Variants in PTPN4 observed in about 807,000 individuals in gnomAD.
PTPN4 encodes tyrosine-protein phosphatase non-receptor type 4.
In PTPN4, 49 loss-of-function variants were observed where a neutral mutation model predicts 135.5. The observed-to-expected ratio is 0.36, with a 90% CI of 0.29 to 0.46. PTPN4 has a LOEUF of 0.46. Ranked by LOEUF, PTPN4 falls within the 20% of genes least tolerant of loss-of-function variation. The pLI is 1.00. For missense variants in PTPN4, 860 were observed against 1,101.0 expected, an observed-to-expected ratio of 0.78 and a Z score of 3.10; for synonymous variants, 333 against 369.9, an observed-to-expected ratio of 0.90 and a Z score of 1.14.
chr2:119,886,421 C>T (rs909767301), intron 9 of PTPN4, among the ~76,000 whole-genome samples: 6 of 152,242 alleles, frequency 3.9e-5, no homozygotes, highest in Admixed American at 3.9e-4. Context: ...TCCCTTGTGT[C>T]AAACATTGCT....
chr2:119,798,408 C>T (rs1179762806), intron 1 of PTPN4, among the ~76,000 whole-genome samples: 1 of 152,168 alleles, frequency 6.6e-6, no homozygotes, highest in Non-Finnish European at 1.5e-5. Flanking sequence ...CTCAGGTGAT[C>T]CTCCCACCTT....
rs989030655 is a variant in PTPN4, at chr2:119,980,277, A to C, written c.*3207A>C. On this transcript the variant is annotated 3_prime_UTR_variant, in exon 27 of 27. Transcript: ENST00000263708. ...CTTTTGTGTGTTTATTTATATGTAT[A>C]TTTCACAAAGGCTAATGCCCACAGA... 1 of 152,138 alleles carries C rather than the reference A, an allele frequency of 6.6e-6. No individual in the cohort carries two copies. Among genetic ancestry groups the C allele is most frequent in the Non-Finnish European group, 1.5e-5 (1 of 67,962 alleles). The allele number at this position is 152,138 out of a possible 1,614,324, so 9.4% of individuals were successfully genotyped here.
chr2:119,772,941 G>A (rs1690760951), intron 1 of PTPN4, among the ~76,000 whole-genome samples: 1 of 152,120 alleles, frequency 6.6e-6, no homozygotes, highest in Non-Finnish European at 1.5e-5. Flanking sequence ...ACCTGTCTGT[G>A]TCCCAGATAC....
At chr2:119,902,635 A>G (rs936437910) in intron 10 of PTPN4, among the ~76,000 whole-genome samples, 2 of 152,246 alleles carry the variant, frequency 1.3e-5, no homozygotes, top group African/African-American at 4.8e-5. Flanking sequence ...CAAGGAAGTG[A>G]CAGGGAACCT....
At chr2:119,854,512 A>G (rs993594434) in intron 2 of PTPN4, among the ~76,000 whole-genome samples, 1 of 152,034 alleles carries the variant, frequency 6.6e-6, no homozygotes, top group Non-Finnish European at 1.5e-5. Context: ...CTTTCTGGCC[A>G]CTTCCTGCTG....
At chr2:119,935,001 C>T in intron 15 of PTPN4, 43 bp downstream of exon 15, 1 of 1,537,430 alleles carries the variant, frequency 6.5e-7, no homozygotes, top group Middle Eastern at 1.7e-4. Flanking sequence ...TTTCAAATGC[C>T]CCAAATTGCT....
rs552638086 is a variant in PTPN4, at chr2:119,832,377, A to AT, written c.138+22395dup. 1.5e-4 allele frequency among the ~76,000 whole-genome samples: 22 copies of AT among 150,644 alleles called. No individual in the cohort carries two copies. In the South Asian group the frequency reaches 1.5e-3, roughly 10 times the overall value. The stretch of plus-strand genomic sequence containing the variant: ...GTACTGTCTGTCAAAAAGAGGAGTC[A>AT]TTTTTTTTTGGTGTCTTTATTTGCA... On this transcript the variant is annotated intron_variant, in intron 2 of 26. Coordinates refer to ENST00000263708, the MANE Select transcript of PTPN4 (RefSeq NM_002830.4).
At chr2:119,926,571 ATTG>A (rs1380035006) in intron 12 of PTPN4, 24 bp from the exon 13 acceptor site, 2 of 1,493,748 alleles carry the variant, frequency 1.3e-6, no homozygotes, top group African/African-American at 1.4e-5. Context: ...TTAAGACTTT[ATTG>A]TTGTGCATAT....
At chr2:119,836,414 GACTACTA>G (rs1388979685) in intron 2 of PTPN4, among the ~76,000 whole-genome samples, 2 of 152,214 alleles carry the variant, frequency 1.3e-5, no homozygotes, top group Non-Finnish European at 2.9e-5. Context: ...ATTCACCCAA[GACTACTA>G]ACTAGCCAAA....
chr2:119,839,399 T>G (rs1450714808), intron 2 of PTPN4, among the ~76,000 whole-genome samples: 1 of 152,232 alleles, frequency 6.6e-6, no homozygotes, highest in Non-Finnish European at 1.5e-5. Flanking sequence ...TCCAAGACAT[T>G]GTTTCCAGAA....
intron 26 of PTPN4, among the ~76,000 whole-genome samples, chr2:119,970,373 A>G (rs1285477883): frequency 6.6e-6 from 1 of 151,956 alleles, no homozygotes; most frequent in East Asian, 1.9e-4. Context: ...TAATTTTTAA[A>G]ACATCTTCAT....
At chr2:119,761,810 G>C (rs1308443258) in intron 1 of PTPN4, among the ~76,000 whole-genome samples, 1 of 152,086 alleles carries the variant, frequency 6.6e-6, no homozygotes, top group Admixed American at 6.5e-5. Flanking sequence ...ATCCAAGGAG[G>C]CACCACTATT....
intron 1 of PTPN4, among the ~76,000 whole-genome samples, chr2:119,766,449 C>CGTGTGTGTGTGTGTGTGT (rs745803520): frequency 2.3e-5 from 3 of 131,064 alleles, no homozygotes; most frequent in African/African-American, 9.5e-5. Context: ...CATGTGCGCG[C>CGTGTGTGTGTGTGTGTGT]GTGTGTGTGT....
At chr2:119,854,497 C>T (rs538854576) in intron 2 of PTPN4, among the ~76,000 whole-genome samples, 8 of 152,200 alleles carry the variant, frequency 5.3e-5, no homozygotes, top group African/African-American at 9.6e-5. Flanking sequence ...TTTTGGGTGA[C>T]GACTCTTTCT....
intron 22 of PTPN4, among the ~76,000 whole-genome samples, chr2:119,959,487 C>G (rs1316454343): frequency 6.6e-6 from 1 of 152,182 alleles, no homozygotes; most frequent in East Asian, 1.9e-4. Context: ...TTCCTGTAAT[C>G]CCAGCACTAA....
At chr2:119,882,685 T>A in intron 8 of PTPN4, 62 bp downstream of exon 8, 2 of 1,310,572 alleles carry the variant, frequency 1.5e-6, no homozygotes, top group Non-Finnish European at 1.0e-6. Flanking sequence ...TAGAGAAATG[T>A]TTGAAATTCT....
rs1358476866 is a variant in PTPN4 at position 119,914,340 on chromosome 2, GTATCCAAAAGTAAAATACAAAGT to G, written c.765-837_765-815del. Among the ~76,000 whole-genome samples the G allele has an allele frequency of 2.1e-5, 3 of 141,184 alleles. No individual in the cohort carries two copies. The Admixed American group carries it at 2.3e-4, about 11-fold the overall frequency. 92.6% of individuals were successfully genotyped at this position (141,184 alleles called of 152,430 possible). On this transcript the variant is annotated intron_variant, in intron 10 of 26. Transcript: ENST00000263708. Reference sequence around the variant, plus strand: ...TTTTCCCATGTCGAGTGAAAGCTCAGTATCCAAAAGTAAAATACAAAGTTTTCAAATCAGAAACCTAAACATGT... The same window carrying G: ...TTTTCCCATGTCGAGTGAAAGCTCAGTTTCAAATCAGAAACCTAAACATGT...
chr2:119,949,583 A>T (rs931481643), intron 18 of PTPN4, among the ~76,000 whole-genome samples: 1 of 152,158 alleles, frequency 6.6e-6, no homozygotes, highest in East Asian at 1.9e-4. Context: ...GCTCATGCCT[A>T]TAATCTTAGC....
rs993553513 is a variant in PTPN4, at chr2:119,945,067, G to A, written c.1356-14G>A. On this transcript the variant is annotated splice_polypyrimidine_tract_variant and intron_variant, in intron 15 of 26. Transcript: ENST00000263708. ...AAGTTATGAAACAACTTCCAAATTTGTTTTCTTGTCTAGATCACAAGAGAC... is the reference window on the plus strand; with the variant it reads ...AAGTTATGAAACAACTTCCAAATTTATTTTCTTGTCTAGATCACAAGAGAC... 6.4e-7 allele frequency: 1 copy of A among 1,558,246 alleles called. No individual in the cohort carries two copies. The highest frequency in any genetic ancestry group is 8.6e-7 in the Non-Finnish European group (1 of 1,162,420).
Sources: gnomAD v4.1 joint callset for allele counts (sites outside exome capture counted in the v4.1 genomes callset) on GRCh38, gnomAD v4.1.1 for gene constraint, MANE v1.5 for transcripts, NCBI Gene and HGNC (gene_info 2026-07-23, HGNC 2026-07-21) for gene names.